Variants in HPSE2 observed in about 807,000 individuals in gnomAD.
HPSE2 encodes the protein heparanase 2 (inactive).
Under a neutral mutation model 60.5 loss-of-function variants are expected in HPSE2, and 38 were observed. The observed-to-expected ratio is 0.63, with a 90% CI of 0.48 to 0.82. The LOEUF (loss-of-function observed/expected upper bound fraction) is 0.82, where lower values mean the gene tolerates loss of function less well. HPSE2 is among the 40% of genes least tolerant of loss of function. HPSE2 has a pLI of 0.00. For synonymous variants in HPSE2, 295 were observed against 293.2 expected, an observed-to-expected ratio of 1.01 and a Z score of -0.06; for missense variants, 713 against 740.4, an observed-to-expected ratio of 0.96 and a Z score of 0.43.
chr10:98,911,152 G>C (rs769339429), intron 3 of HPSE2, among the ~76,000 whole-genome samples: 40 of 152,196 alleles, frequency 2.6e-4, no homozygotes, highest in Non-Finnish European at 5.1e-4. Context: ...CTCAACAAAT[G>C]TGGCTGTAGT....
chr10:98,662,929 G>C (rs1565059443), intron 6 of HPSE2, among the ~76,000 whole-genome samples: 1 of 152,106 alleles, frequency 6.6e-6, no homozygotes, highest in African/African-American at 2.4e-5. Context: ...AATAAATTTA[G>C]AAAGATTTAA....
At chr10:98,954,611 G>A (rs1014682880) in intron 3 of HPSE2, among the ~76,000 whole-genome samples, 1 of 152,110 alleles carries the variant, frequency 6.6e-6, no homozygotes, top group Non-Finnish European at 1.5e-5. Flanking sequence ...TCTTTGTGGG[G>A]TCAAAAGAGA....
chr10:99,219,905 T>A (rs1200077985), intron 2 of HPSE2, among the ~76,000 whole-genome samples: 3 of 152,244 alleles, frequency 2.0e-5, no homozygotes, highest in Non-Finnish European at 4.4e-5. Context: ...GTTGGCTGAT[T>A]AGTATTCAAA....
rs1487072244 is a variant in HPSE2 at position 98,941,206 on chromosome 10, C to G, written c.611-197150G>C. ...GATGCCCTCTCTCACCACTCCTATTCAACATAGTGTTGGAAGTTCTGGCCA... is the reference window on the plus strand; with the variant it reads ...GATGCCCTCTCTCACCACTCCTATTGAACATAGTGTTGGAAGTTCTGGCCA... On this transcript the variant is annotated intron_variant, in intron 3 of 11. Transcript: ENST00000370552. Among the ~76,000 whole-genome samples the G allele has an allele frequency of 1.5e-4, 21 of 136,354 alleles. 4 individuals are homozygous for G. Among genetic ancestry groups the G allele is most frequent in the Admixed American group, 1.5e-3 (20 of 13,410 alleles). The allele number at this position is 136,354 out of a possible 152,430, so 89.5% of individuals were successfully genotyped here.
At chr10:98,868,140 C>A (rs543589396) in intron 3 of HPSE2, among the ~76,000 whole-genome samples, 26 of 151,132 alleles carry the variant, frequency 1.7e-4, no homozygotes, top group African/African-American at 6.3e-4. Flanking sequence ...GGTACTTATA[C>A]ACAATGAAGT....
intron 3 of HPSE2, among the ~76,000 whole-genome samples, chr10:98,823,187 A>T (rs1227356338): frequency 6.6e-6 from 1 of 152,212 alleles, no homozygotes; most frequent in Admixed American, 6.5e-5. Context: ...GAACGTCTGG[A>T]AGGAACACAG....
intron 9 of HPSE2, among the ~76,000 whole-genome samples, chr10:98,588,147 GT>G (rs891798233): frequency 2.0e-5 from 3 of 152,142 alleles, no homozygotes; most frequent in African/African-American, 7.2e-5. Context: ...TATTAAGTAA[GT>G]TTTTTCTCTC....
At chr10:99,212,399 GAACCCAC>G (rs1165762212) in intron 2 of HPSE2, among the ~76,000 whole-genome samples, 1 of 151,870 alleles carries the variant, frequency 6.6e-6, no homozygotes, top group African/African-American at 2.4e-5. Flanking sequence ...TCAAGATAAA[GAACCCAC>G]TTAAGTGTCC....
chr10:98,731,204 T>A (rs1268253265), intron 4 of HPSE2, among the ~76,000 whole-genome samples: 4 of 152,258 alleles, frequency 2.6e-5, no homozygotes, highest in African/African-American at 9.6e-5. Flanking sequence ...GAGAATCGCT[T>A]GAGTCTGGGA....
At chr10:99,262,053 G>A in the HPSE2 span, among the ~76,000 whole-genome samples, 3 of 152,186 alleles carry the variant, frequency 2.0e-5, no homozygotes, top group African/African-American at 7.2e-5. Flanking sequence ...TCTCGGCTTA[G>A]TGGCTGAAGA....
Position 99,132,233 on chromosome 10 carries a change from G to GAAAGAA in HPSE2, c.610+12004_610+12005insTTCTTT, listed in dbSNP as rs1179689093. Among the ~76,000 whole-genome samples the GAAAGAA allele has an allele frequency of 3.8e-3, 66 of 17,428 alleles. 1 individual carries two copies. The highest frequency in any genetic ancestry group is 0.01 in the East Asian group (3 of 294). The allele number at this position is 17,428 out of a possible 152,430, so 11.4% of individuals were successfully genotyped here. The stretch of plus-strand genomic sequence containing the variant: ...AGAGAGAGAGAGAGAGAGAGAGAGA[G>GAAAGAA]AGAGAGAGAGAAAGAAAGAAAGAAA... On this transcript the variant is annotated intron_variant, in intron 3 of 11. Transcript: ENST00000370552.
intron 9 of HPSE2, among the ~76,000 whole-genome samples, chr10:98,595,121 G>A (rs1426537602): frequency 6.7e-6 from 1 of 149,444 alleles, no homozygotes; most frequent in Non-Finnish European, 1.5e-5. Context: ...TACCTCCTTG[G>A]TTAAATTTAT....
At chr10:99,235,420 T>C (rs575247300) in intron 1 of HPSE2, 93 bp downstream of exon 1, 113 of 1,201,594 alleles carry the variant, frequency 9.4e-5, no homozygotes, top group Middle Eastern at 1.9e-4. Flanking sequence ...GCTTGGCTTA[T>C]TTTCTTCTTT....
rs1554981384 is a variant in HPSE2, at chr10:98,737,224, T to TGCACTTCCTGGGTGAGGTG, written c.784+6658_784+6659insCACCTCACCCAGGAAGTGC. On this transcript the variant is annotated intron_variant, in intron 4 of 11. Coordinates refer to ENST00000370552, the MANE Select transcript of HPSE2 (RefSeq NM_021828.5). ...AATCTTATGTTTGGCTTTCACCTGT[T>TGCACTTCCTGGGTGAGGTG]ATATACACATAAAAATACAGGACCA... 1.5e-3 allele frequency among the ~76,000 whole-genome samples: 219 copies of TGCACTTCCTGGGTGAGGTG among 142,776 alleles called. 8 individuals are homozygous for TGCACTTCCTGGGTGAGGTG. The highest frequency in any genetic ancestry group is 3.1e-3 in the East Asian group (12 of 3,866). The allele number at this position is 142,776 out of a possible 152,430, so 93.7% of individuals were successfully genotyped here.
chr10:98,673,171 G>A (rs79413947), intron 6 of HPSE2, among the ~76,000 whole-genome samples: 2,645 of 152,184 alleles, frequency 0.017, 96 homozygotes, highest in African/African-American at 0.061. Context: ...TCAAACAGAC[G>A]TGTTCACTCA....
At chr10:99,101,297 TA>T (rs1383873758) in intron 3 of HPSE2, among the ~76,000 whole-genome samples, 11 of 152,082 alleles carry the variant, frequency 7.2e-5, no homozygotes, top group Non-Finnish European at 2.9e-5. Flanking sequence ...GAGGAAGATC[TA>T]CCAAGCAAAT....
At chr10:98,874,043 T>G (rs1447281911) in intron 3 of HPSE2, among the ~76,000 whole-genome samples, 1 of 152,040 alleles carries the variant, frequency 6.6e-6, no homozygotes, top group East Asian at 1.9e-4. Flanking sequence ...ATCCTTTGCC[T>G]ACTTTTTGAT....
intron 3 of HPSE2, among the ~76,000 whole-genome samples, chr10:98,949,154 A>G (rs1955277102): frequency 6.6e-6 from 1 of 152,124 alleles, no homozygotes; most frequent in Non-Finnish European, 1.5e-5. Flanking sequence ...AAACAACAAT[A>G]AAATAACCAA....
Position 98,815,348 on chromosome 10 carries a change from G to C in HPSE2, c.611-71292C>G, listed in dbSNP as rs572413399. ...GGCAGTATATAACAGGTAGATCTATGAAAGAAAAATCCCTAATTGAGGTTA... is the reference window on the plus strand; with the variant it reads ...GGCAGTATATAACAGGTAGATCTATCAAAGAAAAATCCCTAATTGAGGTTA... On this transcript the variant is annotated intron_variant, in intron 3 of 11. Transcript: ENST00000370552. Among the ~76,000 whole-genome samples, 3 of 152,300 alleles carry C rather than the reference G, an allele frequency of 2.0e-5. No individual in the cohort carries two copies. In the South Asian group the frequency reaches 6.2e-4, roughly 32 times the overall value.
Sources: allele counts gnomAD v4.1 joint callset (sites outside exome capture counted in the v4.1 genomes callset), GRCh38; gene constraint gnomAD v4.1.1; transcripts MANE v1.5; gene names NCBI Gene and HGNC (gene_info 2026-07-23, HGNC 2026-07-21).